The following GCLC variants were observed in gnomAD, a reference collection of about 807,000 sequenced individuals.
The protein encoded by GCLC is glutamate-cysteine ligase catalytic subunit.
Under a neutral mutation model 81.5 loss-of-function variants are expected in GCLC, and 30 were observed. The ratio of observed to expected loss-of-function variants is 0.37; its 90% CI spans 0.28 to 0.50. The LOEUF is 0.50. GCLC is among the 20% of genes least tolerant of loss of function. The probability of loss-of-function intolerance (pLI) is 0.96; values close to 1 mark genes in which losing one functional copy is unlikely to be tolerated. For missense variants in GCLC, 556 were observed against 777.4 expected (o/e 0.72, Z 3.39); for synonymous variants, 262 against 273.3 (o/e 0.96, Z 0.41).
At chr6:53,514,004 C>T (rs1011119557) in intron 6 of GCLC, 200 bp downstream of exon 6, 1 of 611,556 alleles carries the variant, frequency 1.6e-6, no homozygotes, top group African/African-American at 1.9e-5. Flanking sequence ...TGGTGAACAA[C>T]AGAGTCTGTA....
At chr6:53,508,306 C>T (rs902191092) in intron 8 of GCLC, among the ~76,000 whole-genome samples, 2 of 152,168 alleles carry the variant, frequency 1.3e-5, no homozygotes, top group East Asian at 1.9e-4. Context: ...ATACTTTCCA[C>T]AGCAGAAAGC....
chr6:53,536,912 CT>C (rs1763266631), intron 1 of GCLC, among the ~76,000 whole-genome samples: 1 of 152,190 alleles, frequency 6.6e-6, no homozygotes, highest in Non-Finnish European at 1.5e-5. Flanking sequence ...GACTAATACA[CT>C]TTTTTTCGAT....
At chr6:53,544,264 G>A (rs1394935822) in intron 1 of GCLC, among the ~76,000 whole-genome samples, 1 of 152,192 alleles carries the variant, frequency 6.6e-6, no homozygotes, top group Non-Finnish European at 1.5e-5. Flanking sequence ...GGAATGAAGG[G>A]GAAAACCCAA....
intron 12 of GCLC, among the ~76,000 whole-genome samples, chr6:53,503,992 C>T (rs1969654): frequency 6.6e-6 from 1 of 152,080 alleles, no homozygotes; most frequent in South Asian, 2.1e-4. Flanking sequence ...TGTGACTGAA[C>T]CTCTCTAGAA....
rs761939231 is a variant in GCLC, at chr6:53,505,908, A to T, written c.1198-13T>A. 7 of 1,556,216 alleles carry T rather than the reference A, an allele frequency of 4.5e-6. No individual in the cohort carries two copies. The highest frequency in any genetic ancestry group is 6.2e-6 in the Non-Finnish European group (7 of 1,127,386). On this transcript the variant is annotated splice_polypyrimidine_tract_variant and intron_variant, in intron 10 of 15. Transcript: ENST00000650454. ...TGGACTGAATATTCTGTGATACAAA[A>T]GCAGAGAAGAAAACCAACTTTTCAC...
intron 1 of GCLC, among the ~76,000 whole-genome samples, chr6:53,525,631 C>T (rs1179287860): frequency 6.6e-6 from 1 of 152,076 alleles, no homozygotes; most frequent in Non-Finnish European, 1.5e-5. Context: ...GGCTGTAAAC[C>T]CAGAATTGCA....
intron 1 of GCLC, among the ~76,000 whole-genome samples, chr6:53,538,330 C>CTTTT (rs111804488): frequency 2.9e-5 from 4 of 135,790 alleles, no homozygotes; most frequent in African/African-American, 5.4e-5. Flanking sequence ...TATGCATTTT[C>CTTTT]TTTTTTTTTT....
chr6:53,534,700 C>T (rs552128481), intron 1 of GCLC, among the ~76,000 whole-genome samples: 6 of 151,942 alleles, frequency 3.9e-5, no homozygotes, highest in South Asian at 4.2e-4. Context: ...GCTGAAGGTC[C>T]GGGGAAACCA....
At position 53,508,615 on chromosome 6, in the gene GCLC, G is replaced by A. The variant is rs1321484450; in HGVS notation, c.925C>T (p.Arg309Trp). The A allele has an allele frequency of 3.1e-6, 5 of 1,608,732 alleles. No individual in the cohort carries two copies. The highest frequency in any genetic ancestry group is 3.3e-4 in the Middle Eastern group (2 of 6,054). Residue 309 changes from arginine (R) to tryptophan (W), a missense_variant, in exon 8 of 16, where the codon CGG (arginine) becomes TGG (tryptophan). Around this residue, in one of 3 missense-constraint regions of GCLC, gnomAD observed 313 missense variants for 437.3 expected, o/e 0.72. Transcript: ENST00000650454. ...VISASVDDRT[R>W]EERGLEPLKN... ...CCCACCTCCAGTCCTCGCTCCTCCC[G>A]AGTTCTATCATCTACAGATGCAGAA...
At chr6:53,512,106 G>A (rs1162555856) in intron 6 of GCLC, among the ~76,000 whole-genome samples, 1 of 151,878 alleles carries the variant, frequency 6.6e-6, no homozygotes, top group Non-Finnish European at 1.5e-5. Flanking sequence ...ATGCCACCAG[G>A]TCTAATTTTT....
chr6:53,505,722 C>T, intron 11 of GCLC, 81 bp downstream of exon 11: 1 of 872,082 alleles, frequency 1.1e-6, no homozygotes, highest in East Asian at 2.4e-5. Flanking sequence ...TAAGAGCCTT[C>T]TCATAGCAGC....
rs751942822 is a variant in GCLC at position 53,507,007 on chromosome 6, G to A, written c.1103C>T (p.Ala368Val). ...LLQEGIDHLL[A>V]QHVAHLFIRD... ...AATAAAGAGATGAGCAACATGCTGGGCCAGGAGATGATCAATGCCTGCAAA... is the reference window on the plus strand; with the variant it reads ...AATAAAGAGATGAGCAACATGCTGGACCAGGAGATGATCAATGCCTGCAAA... Residue 368 changes from alanine to valine, a missense_variant, in exon 10 of 16, where the codon GCC becomes GTC. Transcript: ENST00000650454. 2.5e-6 allele frequency: 4 copies of A among 1,604,232 alleles called. No individual in the cohort carries two copies. Among genetic ancestry groups the A allele is most frequent in the Admixed American group, 3.3e-5 (2 of 59,970 alleles).
At chr6:53,530,052 T>C (rs1348535282) in intron 1 of GCLC, among the ~76,000 whole-genome samples, 1 of 152,250 alleles carries the variant, frequency 6.6e-6, no homozygotes, top group South Asian at 2.1e-4. Context: ...TTTTAGTTCC[T>C]AGGAACTGAA....
chr6:53,536,401 A>G (rs1763258025), intron 1 of GCLC, among the ~76,000 whole-genome samples: 1 of 152,252 alleles, frequency 6.6e-6, no homozygotes, highest in South Asian at 2.1e-4. Context: ...CATATATCAA[A>G]ACTTACCAAA....
rs1179935437 is a variant in GCLC, at chr6:53,509,221, C to T, written c.783G>A (p.Glu261=). The T allele has an allele frequency of 6.2e-7, 1 of 1,607,074 alleles. No individual in the cohort carries two copies. Among genetic ancestry groups the T allele is most frequent in the Non-Finnish European group, 8.5e-7 (1 of 1,173,662 alleles). ...CCAACTGATCATAAAGGTATCTGGC[C>T]TCAGATATACTGCAGGCTTGGAATG... ...QVTFQACSIS[E]ARYLYDQLAT... Residue 261 remains glutamate, a synonymous_variant, in exon 7 of 16, where the codon GAG becomes GAA. Coordinates refer to ENST00000650454, the MANE Select transcript of GCLC (RefSeq NM_001498.4).
intron 1 of GCLC, among the ~76,000 whole-genome samples, chr6:53,537,500 G>A (rs1180906182): frequency 3.3e-5 from 5 of 151,978 alleles, no homozygotes; most frequent in African/African-American, 7.2e-5. Flanking sequence ...TTTTTGAAGC[G>A]CAACTTAGAA....
chr6:53,536,800 T>C (rs1763264928), intron 1 of GCLC, among the ~76,000 whole-genome samples: 1 of 152,220 alleles, frequency 6.6e-6, no homozygotes, highest in Admixed American at 6.5e-5. Context: ...ACCATACTTC[T>C]AGACAGTAGG....
At chr6:53,518,292 C>T (rs1199083067) in intron 3 of GCLC, among the ~76,000 whole-genome samples, 1 of 151,754 alleles carries the variant, frequency 6.6e-6, no homozygotes, top group Non-Finnish European at 1.5e-5. Context: ...GCTTTGTCAC[C>T]CAGGCTGGAG....
At chr6:53,510,004 G>C (rs1420633352) in intron 6 of GCLC, 1 of 152,590 alleles carries the variant, frequency 6.6e-6, no homozygotes, top group Non-Finnish European at 1.5e-5. Flanking sequence ...GCTTGGAAGG[G>C]GGAAAGACTA....
Sources: allele counts gnomAD v4.1 joint callset (sites outside exome capture counted in the v4.1 genomes callset), GRCh38; gene constraint gnomAD v4.1.1; regional missense constraint gnomAD v4.1.1; transcripts MANE v1.5; gene names NCBI Gene and HGNC (gene_info 2026-07-23, HGNC 2026-07-21).